Variants in ABHD18 observed in about 807,000 individuals in gnomAD.
ABHD18 encodes abhydrolase domain containing 18.
A neutral mutation model predicts 65.9 loss-of-function variants in ABHD18; 55 were observed. The observed-to-expected ratio is 0.84, with a 90% CI of 0.67 to 1.05. The LOEUF is 1.05. ABHD18 is among the 50% of genes least tolerant of loss of function. The probability of loss-of-function intolerance (pLI) is 0.00; values close to 1 mark genes in which losing one functional copy is unlikely to be tolerated. For missense variants in ABHD18, 533 were observed against 558.5 expected (o/e 0.95, Z 0.46); for synonymous variants, 181 against 180.2 (o/e 1.00, Z -0.04).
rs568049106 is a variant in ABHD18, at chr4:128,022,324, G to C, written c.801+1086G>C. Among the ~76,000 whole-genome samples, 107 of 152,230 alleles carry C rather than the reference G, an allele frequency of 7.0e-4. No homozygotes were observed. In the South Asian group the frequency reaches 0.021, roughly 30 times the overall value. On this transcript the variant is annotated intron_variant, in intron 10 of 12. Coordinates refer to ENST00000645843, the MANE Select transcript of ABHD18 (RefSeq NM_001358451.3). ...TATAATTTATTTCATGAAGAATTTA[G>C]GTTATTTGACCTGTAGGGTTTCTCA...
chr4:128,035,182 T>C (rs1336483393), intron 12 of ABHD18, among the ~76,000 whole-genome samples: 3 of 152,220 alleles, frequency 2.0e-5, no homozygotes, highest in Non-Finnish European at 4.4e-5. Context: ...TTATACACAT[T>C]ACACACATGT....
At chr4:128,030,701 G>A (rs768338124) in intron 12 of ABHD18, 29 bp downstream of exon 12, 14 of 1,518,634 alleles carry the variant, frequency 9.2e-6, no homozygotes, top group South Asian at 2.7e-5. Context: ...ACATGTATTC[G>A]TTCATTTGTT....
chr4:128,008,898 A>C, intron 4 of ABHD18, 22 bp from the exon 5 acceptor site: 2 of 1,527,554 alleles, frequency 1.3e-6, no homozygotes, highest in Non-Finnish European at 1.8e-6. Context: ...TTTTATTGAT[A>C]AGTCTATGCT....
At chr4:128,023,654 GC>G (rs1353609538) in intron 10 of ABHD18, among the ~76,000 whole-genome samples, 1 of 151,834 alleles carries the variant, frequency 6.6e-6, no homozygotes, top group East Asian at 1.9e-4. Flanking sequence ...GCCGAGGAGG[GC>G]AGATCACGAG....
At chr4:128,023,061 G>A (rs187741439) in intron 10 of ABHD18, among the ~76,000 whole-genome samples, 1 of 151,938 alleles carries the variant, frequency 6.6e-6, no homozygotes, top group East Asian at 1.9e-4. Context: ...GAGCCACCGC[G>A]CCCAGCAATC....
chr4:128,022,982 G>C (rs1186006888), intron 10 of ABHD18, among the ~76,000 whole-genome samples: 2 of 151,924 alleles, frequency 1.3e-5, no homozygotes, highest in Non-Finnish European at 2.9e-5. Context: ...TATTGGTCAG[G>C]CTGGTCTCAA....
chr4:127,968,992 TAAG>T lies in ABHD18; in HGVS notation c.-18+3391_-18+3393del, dbSNP rs148599743. ...TTGTTCTTGGAGCTGAAATGGGATT[TAAG>T]AAGATTTGTATGACCCCAAACCCCA... On this transcript the variant is annotated intron_variant, in intron 1 of 12. Coordinates refer to ENST00000645843, the MANE Select transcript of ABHD18 (RefSeq NM_001358451.3). 3.0e-3 allele frequency among the ~76,000 whole-genome samples: 457 copies of T among 152,292 alleles called. 4 individuals are homozygous for T. Among genetic ancestry groups the T allele is most frequent in the African/African-American group, 0.011 (439 of 41,566 alleles).
At chr4:127,973,401 G>C (rs1219044320) in intron 1 of ABHD18, among the ~76,000 whole-genome samples, 3 of 151,940 alleles carry the variant, frequency 2.0e-5, no homozygotes, top group African/African-American at 7.3e-5. Flanking sequence ...CCCCCTTACT[G>C]GTAGGAAAAT....
chr4:127,975,313 A>C (rs1747701582), intron 1 of ABHD18, among the ~76,000 whole-genome samples: 1 of 151,850 alleles, frequency 6.6e-6, no homozygotes, highest in Admixed American at 6.6e-5. Context: ...CCCTTTTCCC[A>C]TCCCCCCAGT....
At chr4:127,994,253 T>C (rs1396754082) in intron 4 of ABHD18, among the ~76,000 whole-genome samples, 1 of 152,228 alleles carries the variant, frequency 6.6e-6, no homozygotes, top group African/African-American at 2.4e-5. Flanking sequence ...CAGCCTATAT[T>C]GGAAATTTAT....
chr4:128,017,440 A>G lies in ABHD18; in HGVS notation c.548A>G (p.His183Arg). Residue 183 changes from histidine to arginine, a missense_variant, in exon 8 of 13, where the codon CAC becomes CGC. By Grantham distance (29) the His-to-Arg change is conservative. Transcript: ENST00000645843. ...ALVLESAALL[H>R]WLEREGYGPL... ...GTTTTAGAATCTGCAGCTCTCTTGC[A>G]CTGGCTAGAGAGGGAAGGTTACGGC... 6.2e-7 allele frequency: 1 copy of G among 1,613,044 alleles called. No individual in the cohort carries two copies. The highest frequency in any genetic ancestry group is 8.5e-7 in the Non-Finnish European group (1 of 1,179,132).
chr4:128,013,902 T>G (rs1755016710), intron 7 of ABHD18, among the ~76,000 whole-genome samples: 1 of 151,802 alleles, frequency 6.6e-6, no homozygotes, highest in Non-Finnish European at 1.5e-5. Flanking sequence ...AGAATGAAAC[T>G]TGATAGTTTA....
intron 10 of ABHD18, among the ~76,000 whole-genome samples, chr4:128,024,446 C>T (rs193152067): frequency 3.3e-4 from 50 of 152,272 alleles, no homozygotes; most frequent in African/African-American, 1.1e-3. Flanking sequence ...TCTTATTTGG[C>T]ACTTCTCATC....
intron 7 of ABHD18, among the ~76,000 whole-genome samples, chr4:128,012,072 G>A (rs1754677934): frequency 6.6e-6 from 1 of 150,924 alleles, no homozygotes; most frequent in African/African-American, 2.5e-5. Context: ...CTGCCTCCTG[G>A]GTTCAAGCGA....
intron 1 of ABHD18, among the ~76,000 whole-genome samples, chr4:127,980,607 T>A (rs1440549050): frequency 6.6e-6 from 1 of 151,266 alleles, no homozygotes; most frequent in East Asian, 2.0e-4. Flanking sequence ...ACGGATAACC[T>A]CAGGTCAGGA....
rs898087036 is a variant in ABHD18, at chr4:128,028,433, A to G, written c.802-42A>G. ...TTTTTGACAAAGCTGTTAATACCCT[A>G]TTTTATATTAAATAATGTTTTCTTT... On this transcript the variant is annotated intron_variant, in intron 10 of 12. Transcript: ENST00000645843. 2.9e-6 allele frequency: 4 copies of G among 1,383,912 alleles called. No homozygotes were observed. In the African/African-American group the frequency reaches 4.4e-5, roughly 15 times the overall value. The allele number at this position is 1,383,912 out of a possible 1,614,324, so 85.7% of individuals were successfully genotyped here. A position where few individuals can be genotyped will look rare whatever the true frequency, so the allele number is the denominator to read the frequency against.
At chr4:127,983,734 G>T (rs888543262) in intron 2 of ABHD18, among the ~76,000 whole-genome samples, 1 of 152,060 alleles carries the variant, frequency 6.6e-6, no homozygotes, top group Non-Finnish European at 1.5e-5. Flanking sequence ...GCATGGTGAC[G>T]GGCACCTGTA....
At chr4:127,993,314 T>C (rs766306520) in intron 4 of ABHD18, among the ~76,000 whole-genome samples, 27 of 152,188 alleles carry the variant, frequency 1.8e-4, no homozygotes, top group Non-Finnish European at 3.4e-4. Context: ...CCTCAACATC[T>C]GTTGGAAATT....
At chr4:128,029,453 G>T (rs1757891713) in intron 11 of ABHD18, among the ~76,000 whole-genome samples, 1 of 152,142 alleles carries the variant, frequency 6.6e-6, no homozygotes, top group South Asian at 2.1e-4. Context: ...GGCTGCGGTG[G>T]GAGGACCGCT....
Sources: gnomAD v4.1 joint callset for allele counts (sites outside exome capture counted in the v4.1 genomes callset) on GRCh38, gnomAD v4.1.1 for gene constraint, MANE v1.5 for transcripts, NCBI Gene and HGNC (gene_info 2026-07-23, HGNC 2026-07-21) for gene names.